Variants in PIGR observed in about 807,000 individuals in gnomAD.
PIGR encodes polymeric immunoglobulin receptor.
PIGR carries 22 observed loss-of-function variants against 69.5 expected under a neutral mutation model. The ratio of observed to expected loss-of-function variants is 0.32; its 90% CI spans 0.23 to 0.45. The LOEUF (loss-of-function observed/expected upper bound fraction) is 0.45, where lower values mean the gene tolerates loss of function less well. PIGR is among the 20% of genes least tolerant of loss of function. The pLI, the probability that PIGR is intolerant of heterozygous loss-of-function variation, is 1.00. For synonymous variants in PIGR, 413 were observed against 407.6 expected (o/e 1.01, Z -0.16); for missense variants, 885 against 974.0 (o/e 0.91, Z 1.22).
intron 1 of PIGR, among the ~76,000 whole-genome samples, chr1:206,941,453 T>C (rs1183489083): frequency 6.6e-6 from 1 of 152,216 alleles, no homozygotes; most frequent in Non-Finnish European, 1.5e-5. Context: ...ATTTACATTA[T>C]TTCATTTGAG....
chr1:206,935,405 G>T lies in PIGR; in HGVS notation c.1378+81C>A. The T allele has an allele frequency of 8.0e-7, 1 of 1,246,574 alleles. No individual in the cohort carries two copies. Among genetic ancestry groups the T allele is most frequent in the Non-Finnish European group, 1.1e-6 (1 of 877,132 alleles). 77.2% of individuals were successfully genotyped at this position (1,246,574 alleles called of 1,614,324 possible). Reference sequence around the variant, plus strand: ...CTGGCCCATCAGGGTGGAGGCGGGTGAAAAAGGAGGAAGAGTGGTTGGGGA... The same window carrying T: ...CTGGCCCATCAGGGTGGAGGCGGGTTAAAAAGGAGGAAGAGTGGTTGGGGA... On this transcript the variant is annotated intron_variant, in intron 5 of 10. Transcript: ENST00000356495. The surrounding 1 kb of genome is among the most constrained non-coding windows in gnomAD (Gnocchi z 4.4).
Position 206,940,504 on chromosome 1 carries a change from G to A in PIGR, c.28C>T (p.Leu10=). ...GCAGACACACCTGGGAAGACCGCCA[G>A]CAGGCAGGTGAGCACGAAGAGCAGC... MLLFVLTCL[L]AVFPAISTKS... The change falls in exon 2 of 11, where the codon CTG becomes TTG. Residue 10 remains leucine, a synonymous_variant. Coordinates refer to ENST00000356495, the MANE Select transcript of PIGR (RefSeq NM_002644.4). 2 of 1,551,536 alleles carry A rather than the reference G, an allele frequency of 1.3e-6. No homozygotes were observed. Among genetic ancestry groups the A allele is most frequent in the African/African-American group, 1.4e-5 (1 of 73,166 alleles).
chr1:206,943,004 C>T (rs1008419510), intron 1 of PIGR, among the ~76,000 whole-genome samples: 1 of 152,186 alleles, frequency 6.6e-6, no homozygotes, highest in East Asian at 1.9e-4. Flanking sequence ...GGACCTCGAG[C>T]TTTCAGAATC....
chr1:206,936,252 C>G (rs1321463821), intron 4 of PIGR, among the ~76,000 whole-genome samples: 1 of 152,158 alleles, frequency 6.6e-6, no homozygotes, highest in African/African-American at 2.4e-5. Context: ...ATGATGTAAA[C>G]TATAAAGTAT....
chr1:206,932,201 T>C (rs991024323), intron 8 of PIGR, among the ~76,000 whole-genome samples: 2 of 152,158 alleles, frequency 1.3e-5, no homozygotes, highest in Non-Finnish European at 2.9e-5. Flanking sequence ...CCCAATCTCC[T>C]CTTCCTGGCA....
intron 3 of PIGR, among the ~76,000 whole-genome samples, chr1:206,938,862 C>T (rs1490371149): frequency 2.0e-5 from 3 of 152,092 alleles, no homozygotes; most frequent in Non-Finnish European, 4.4e-5. Context: ...CTTCTGATAC[C>T]CTTCTAAGCT....
rs1572644454 is a variant in PIGR at position 206,935,877 on chromosome 1, G to A, written c.1046-59C>T. 19 of 1,299,042 alleles carry A rather than the reference G, an allele frequency of 1.5e-5. No individual in the cohort carries two copies. The East Asian group carries it at 2.3e-4, about 16-fold the overall frequency. The allele number at this position is 1,299,042 out of a possible 1,614,324, so 80.5% of individuals were successfully genotyped here. The stretch of plus-strand genomic sequence containing the variant: ...GGCCACGCAGGAAGAGCCTTGCGTG[G>A]CCTGAGAAGCCTTCTTCCCGGGGTC... On this transcript the variant is annotated intron_variant, in intron 4 of 10. Transcript: ENST00000356495. The surrounding 1 kb of genome is among the most constrained non-coding windows in gnomAD (Gnocchi z 4.4).
intron 1 of PIGR, among the ~76,000 whole-genome samples, chr1:206,941,710 C>T (rs541046508): frequency 7.9e-5 from 12 of 152,306 alleles, no homozygotes; most frequent in African/African-American, 2.2e-4. Context: ...TTGTCTCCAC[C>T]GTGGACACAG....
chr1:206,933,293 G>T (rs1005872664), intron 6 of PIGR, 127 bp from the exon 7 acceptor site: 1 of 850,272 alleles, frequency 1.2e-6, no homozygotes, highest in South Asian at 1.8e-5. Context: ...GGCTGTTGGG[G>T]TAGGACCCAG....
intron 1 of PIGR, among the ~76,000 whole-genome samples, chr1:206,941,854 T>C (rs890972684): frequency 1.3e-5 from 2 of 151,906 alleles, no homozygotes; most frequent in Admixed American, 1.3e-4. Flanking sequence ...AACTTTGGAG[T>C]TGTCTTGACA....
At chr1:206,931,243 T>C in intron 10 of PIGR, 2 of 985,462 alleles carry the variant, frequency 2.0e-6, no homozygotes, top group African/African-American at 3.5e-5. Flanking sequence ...TCTCCTGGCC[T>C]GCCTCTCTCC....
chr1:206,932,749 G>A (rs74148882), intron 7 of PIGR, among the ~76,000 whole-genome samples, 172 bp from the exon 8 acceptor site: 9 of 152,336 alleles, frequency 5.9e-5, no homozygotes, highest in African/African-American at 1.9e-4. Flanking sequence ...GCAAAGGCAC[G>A]CACTGGGCCT....
intron 1 of PIGR, among the ~76,000 whole-genome samples, chr1:206,944,447 T>A (rs1237386073): frequency 6.6e-6 from 1 of 152,114 alleles, no homozygotes; most frequent in Non-Finnish European, 1.5e-5. Flanking sequence ...CATTCCAGCC[T>A]GGGTGACAGG....
In PIGR at chr1:206,937,456, A is replaced by G. The variant is rs1679888106; in HGVS notation, c.684T>C (p.Ser228=). The G allele has an allele frequency of 1.2e-6, 2 of 1,614,028 alleles. No individual in the cohort carries two copies. Among genetic ancestry groups the G allele is most frequent in the Admixed American group, 1.7e-5 (1 of 59,996 alleles). Reference sequence around the variant, plus strand: ...CTTGGAGGTCAGCATTCTTCTTATTACTATTGGAATCATCCCCAGCCTGGC... The same window carrying G: ...CTTGGAGGTCAGCATTCTTCTTATTGCTATTGGAATCATCCCCAGCCTGGC... The part of the protein sequence containing the change: ...YLCQAGDDSN[S]NKKNADLQVL... The change falls in exon 4 of 11, where the codon AGT becomes AGC. Residue 228 remains serine, a synonymous_variant. Transcript: ENST00000356495.
In PIGR at chr1:206,930,687, G is replaced by A. The variant is rs535183309; in HGVS notation, c.2200-274C>T. 1.8e-4 allele frequency: 173 copies of A among 985,358 alleles called. No individual in the cohort carries two copies. Among genetic ancestry groups the A allele is most frequent in the East Asian group, 2.3e-4 (2 of 8,814 alleles). 61.0% of individuals were successfully genotyped at this position (985,358 alleles called of 1,614,324 possible). On this transcript the variant is annotated intron_variant, in intron 10 of 10. Coordinates refer to ENST00000356495, the MANE Select transcript of PIGR (RefSeq NM_002644.4). The surrounding 1 kb of genome is among the most constrained non-coding windows in gnomAD (Gnocchi z 4.3). ...GCCTCTGTTGCCCGGGCCTGTCCCCGGAAGCTGCCCACACAGTCCACGGGC... is the reference window on the plus strand; with the variant it reads ...GCCTCTGTTGCCCGGGCCTGTCCCCAGAAGCTGCCCACACAGTCCACGGGC...
chr1:206,932,921 G>A, intron 7 of PIGR, 65 bp downstream of exon 7: 1 of 1,521,204 alleles, frequency 6.6e-7, no homozygotes, highest in Non-Finnish European at 9.0e-7. Flanking sequence ...TGGACCTGGT[G>A]GCCCAGCCTC....
chr1:206,937,860 T>C (rs1041448008), intron 3 of PIGR, 109 bp from the exon 4 acceptor site: 1 of 944,234 alleles, frequency 1.1e-6, no homozygotes, highest in African/African-American at 1.6e-5. Flanking sequence ...ACTTATAACC[T>C]GGAATGCCCT....
intron 1 of PIGR, among the ~76,000 whole-genome samples, chr1:206,941,387 A>G (rs754525670): frequency 2.0e-5 from 3 of 152,144 alleles, no homozygotes; most frequent in Non-Finnish European, 4.4e-5. Flanking sequence ...GCATGCTTTT[A>G]CCTTATGCTT....
chr1:206,934,846 C>T (rs77292461), intron 5 of PIGR, 100 bp from the exon 6 acceptor site: 7 of 615,884 alleles, frequency 1.1e-5, no homozygotes, highest in Non-Finnish European at 1.6e-5. Flanking sequence ...ATGTCATATA[C>T]ATATATATAT....
Sources: gnomAD v4.1 joint callset for allele counts (sites outside exome capture counted in the v4.1 genomes callset) on GRCh38, gnomAD v4.1.1 for gene constraint, Gnocchi (gnomAD v3.1) non-coding constraint, MANE v1.5 for transcripts, NCBI Gene and HGNC (gene_info 2026-07-23, HGNC 2026-07-21) for gene names.